The following PCDHGB4 variants were observed in gnomAD, a reference collection of about 807,000 sequenced individuals.
The protein encoded by PCDHGB4 is protocadherin gamma-B4.
Under a neutral mutation model 60.5 loss-of-function variants are expected in PCDHGB4, and 38 were observed. That is an observed-to-expected ratio of 0.63 (90% CI 0.48 to 0.82). The LOEUF is 0.82. PCDHGB4 is among the 40% of genes least tolerant of loss of function. The pLI is 0.00. For missense variants in PCDHGB4, 1,109 were observed against 1,209.6 expected, an observed-to-expected ratio of 0.92 and a Z score of 1.23; for synonymous variants, 456 against 509.7, an observed-to-expected ratio of 0.89 and a Z score of 1.42.
intron 1 of PCDHGB4, chr5:141,413,180 C>T: frequency 6.2e-7 from 1 of 1,602,612 alleles, no homozygotes; most frequent in Non-Finnish European, 8.5e-7. Flanking sequence ...ACTACAATGG[C>T]CGCTCAAAGG....
chr5:141,477,951 G>T lies in PCDHGB4; in HGVS notation c.2398-16856G>T. 3 of 1,614,120 alleles carry T rather than the reference G, an allele frequency of 1.9e-6. No homozygotes were observed. The highest frequency in any genetic ancestry group is 2.5e-6 in the Non-Finnish European group (3 of 1,180,024). Reference sequence around the variant, plus strand: ...GCCTGGCTCTCCTACAGTCTCTTGGGATCCCCTAACCAGAGCCTTTTTGCC... The same window carrying T: ...GCCTGGCTCTCCTACAGTCTCTTGGTATCCCCTAACCAGAGCCTTTTTGCC... On this transcript the variant is annotated intron_variant, in intron 1 of 3. Transcript: ENST00000519479. The surrounding 1 kb of genome is among the most constrained non-coding windows in gnomAD (Gnocchi z 4.9).
chr5:141,399,173 T>C, intron 1 of PCDHGB4: 1 of 1,613,830 alleles, frequency 6.2e-7, no homozygotes, highest in East Asian at 2.2e-5. Context: ...CATTCTCTAC[T>C]TGAAATGATT....
chr5:141,496,163 A>T (rs1249396595), intron 2 of PCDHGB4, among the ~76,000 whole-genome samples: 2 of 150,100 alleles, frequency 1.3e-5, no homozygotes, highest in Non-Finnish European at 3.0e-5. Flanking sequence ...TCCACCAGAC[A>T]CCCTCCCATC....
intron 1 of PCDHGB4, chr5:141,398,155 C>G (rs1238092530): frequency 1.3e-5 from 19 of 1,492,684 alleles, no homozygotes; most frequent in Non-Finnish European, 1.7e-5. Flanking sequence ...GGAGCTGGGC[C>G]GGGCTGAGAG....
At chr5:141,409,747 C>A in intron 1 of PCDHGB4, 3 of 1,612,994 alleles carry the variant, frequency 1.9e-6, no homozygotes, top group South Asian at 1.1e-5. Flanking sequence ...GGGTGGTGTT[C>A]GCGCAGCGCG....
At chr5:141,427,416 G>T (rs1457696807) in intron 1 of PCDHGB4, 2 of 466,124 alleles carry the variant, frequency 4.3e-6, no homozygotes, top group South Asian at 3.1e-5. Flanking sequence ...GAGAGAAAAT[G>T]GGGAGGTTAC....
At position 141,487,198 on chromosome 5, in the gene PCDHGB4, T is replaced by A; in HGVS notation, c.2398-7609T>A. The A allele has an allele frequency of 1.2e-6, 2 of 1,613,854 alleles. No individual in the cohort carries two copies. The highest frequency in any genetic ancestry group is 1.7e-6 in the Non-Finnish European group (2 of 1,179,722). ...AAGACACTCATCCAGTTGTCCCAGATCTTCGAGAATCTTCAGCTCCAAGGG... is the reference window on the plus strand; with the variant it reads ...AAGACACTCATCCAGTTGTCCCAGAACTTCGAGAATCTTCAGCTCCAAGGG... On this transcript the variant is annotated intron_variant, in intron 1 of 3. Transcript: ENST00000519479. The surrounding 1 kb of genome is among the most constrained non-coding windows in gnomAD (Gnocchi z 5.0).
chr5:141,489,354 G>A lies in PCDHGB4; in HGVS notation c.2398-5453G>A, dbSNP rs773010251. On this transcript the variant is annotated intron_variant, in intron 1 of 3. Coordinates refer to ENST00000519479, the MANE Select transcript of PCDHGB4 (RefSeq NM_003736.4). The surrounding 1 kb of genome is among the most constrained non-coding windows in gnomAD (Gnocchi z 4.5). ...AGCTTCGTTACTCAGTGGTGGAGGA[G>A]TCTGAGCCGGGGACGCTGGTGGGGA... The A allele has an allele frequency of 1.2e-5, 19 of 1,612,796 alleles. No homozygotes were observed. Among genetic ancestry groups the A allele is most frequent in the East Asian group, 2.2e-5 (1 of 44,868 alleles).
Position 141,389,157 on chromosome 5 carries a change from C to G in PCDHGB4, c.1273C>G (p.Arg425Gly). The change falls in exon 1 of 4, where the codon CGG becomes GGG. Residue 425 changes from arginine (R) to glycine (G), a missense_variant. By Grantham distance (125) the Arg-to-Gly change is moderately radical. Coordinates refer to ENST00000519479, the MANE Select transcript of PCDHGB4 (RefSeq NM_003736.4). Reference protein sequence around the residue: ...EYNITVTATDRGKPPLSSSSS... With the variant: ...EYNITVTATDGGKPPLSSSSS... ...CAATATAACCGTTACGGCAACAGAT[C>G]GGGGCAAGCCTCCCCTCTCCTCCAG... is the stretch of plus-strand genomic sequence containing the variant. 1 of 1,613,976 alleles carries G rather than the reference C, an allele frequency of 6.2e-7. No homozygotes were observed. Among genetic ancestry groups the G allele is most frequent in the African/African-American group, 1.3e-5 (1 of 75,052 alleles).
chr5:141,494,792 C>A lies in PCDHGB4; in HGVS notation c.2398-15C>A. The A allele has an allele frequency of 6.2e-7, 1 of 1,614,132 alleles. No individual in the cohort carries two copies. Among genetic ancestry groups the A allele is most frequent in the East Asian group, 2.2e-5 (1 of 44,878 alleles). Reference sequence around the variant, plus strand: ...TCACGGGTACTCAGCCCCTTTCCCTCTGTTTTCTCCACAGCAAGCCCCGCC... The same window carrying A: ...TCACGGGTACTCAGCCCCTTTCCCTATGTTTTCTCCACAGCAAGCCCCGCC... On this transcript the variant is annotated splice_polypyrimidine_tract_variant and intron_variant, in intron 1 of 3. Transcript: ENST00000519479.
intron 2 of PCDHGB4, among the ~76,000 whole-genome samples, chr5:141,503,448 C>T (rs765046868): frequency 2.0e-5 from 3 of 151,808 alleles, no homozygotes; most frequent in South Asian, 2.1e-4. Context: ...TACAAAAATT[C>T]GCTGGGCATG....
chr5:141,478,396 G>T (rs150499152), intron 1 of PCDHGB4: 2 of 1,613,446 alleles, frequency 1.2e-6, no homozygotes, highest in African/African-American at 2.7e-5. Flanking sequence ...ACCATCAGGT[G>T]TATCTCACCA....
Position 141,511,508 on chromosome 5 carries a change from C to T in PCDHGB4, c.*335C>T, listed in dbSNP as rs1339517659. 7.8e-6 allele frequency: 3 copies of T among 385,970 alleles called. No individual in the cohort carries two copies. Among genetic ancestry groups the T allele is most frequent in the Non-Finnish European group, 1.5e-5 (3 of 206,164 alleles). The allele number at this position is 385,970 out of a possible 1,614,324, so 23.9% of individuals were successfully genotyped here. Reference sequence around the variant, plus strand: ...TCCTCCATCTTCCAAATCAATCAGGCCCATCCATCCCATGCCTCCCTCCTC... The same window carrying T: ...TCCTCCATCTTCCAAATCAATCAGGTCCATCCATCCCATGCCTCCCTCCTC... On this transcript the variant is annotated 3_prime_UTR_variant, in exon 4 of 4. Coordinates refer to ENST00000519479, the MANE Select transcript of PCDHGB4 (RefSeq NM_003736.4).
intron 1 of PCDHGB4, among the ~76,000 whole-genome samples, chr5:141,453,710 A>C (rs988115758): frequency 3.9e-5 from 6 of 152,242 alleles, no homozygotes; most frequent in African/African-American, 1.4e-4. Context: ...GAACAGTTTC[A>C]CTATAAAAAT....
rs773942024 is a variant in PCDHGB4, at chr5:141,433,234, C to G, written c.2397+42953C>G. 3.3e-6 allele frequency: 5 copies of G among 1,512,860 alleles called. No homozygotes were observed. In the South Asian group the frequency reaches 5.0e-5, roughly 15 times the overall value. The allele number at this position is 1,512,860 out of a possible 1,614,324, so 93.7% of individuals were successfully genotyped here. A position where few individuals can be genotyped will look rare whatever the true frequency, so the allele number is the denominator to read the frequency against. On this transcript the variant is annotated intron_variant, in intron 1 of 3. Coordinates refer to ENST00000519479, the MANE Select transcript of PCDHGB4 (RefSeq NM_003736.4). ...TTTTTTTTTTTTAATTGCTCTGTCT[C>G]CCAAGCTGGAATGCAGCGGTACGAT...
intron 1 of PCDHGB4, chr5:141,423,850 A>G: frequency 1.6e-6 from 2 of 1,278,674 alleles, no homozygotes; most frequent in East Asian, 3.1e-5. Flanking sequence ...ATCTTTCAGA[A>G]CGTTTTTGTG....
chr5:141,419,700 C>T, intron 1 of PCDHGB4: 2 of 1,612,974 alleles, frequency 1.2e-6, no homozygotes, highest in Non-Finnish European at 1.7e-6. Context: ...GCCAGTGAGC[C>T]CGGGCTCTTC....
At chr5:141,507,349 A>G (rs537480798) in intron 3 of PCDHGB4, 1 of 152,236 alleles carries the variant, frequency 6.6e-6, no homozygotes, top group African/African-American at 2.4e-5. Flanking sequence ...CTGAAATTCA[A>G]ATTTAACTGG....
intron 1 of PCDHGB4, chr5:141,399,649 G>T: frequency 1.2e-6 from 2 of 1,613,794 alleles, no homozygotes; most frequent in African/African-American, 1.3e-5. Flanking sequence ...CGCGCAAAGT[G>T]GGGTGGTGTT....
Sources: allele counts gnomAD v4.1 joint callset (sites outside exome capture counted in the v4.1 genomes callset), GRCh38; gene constraint gnomAD v4.1.1; non-coding constraint Gnocchi (gnomAD v3.1); transcripts MANE v1.5; gene names NCBI Gene and HGNC (gene_info 2026-07-23, HGNC 2026-07-21).